Variants in BAHD1 observed in about 807,000 individuals in gnomAD.
BAHD1 encodes the protein bromo adjacent homology domain-containing 1 protein.
Under a neutral mutation model 63.1 loss-of-function variants are expected in BAHD1, and 20 were observed. The ratio of observed to expected loss-of-function variants is 0.32; its 90% CI spans 0.22 to 0.46. The LOEUF (loss-of-function observed/expected upper bound fraction) is 0.46, where lower values mean the gene tolerates loss of function less well. BAHD1 is among the 20% of genes least tolerant of loss of function. The pLI is 1.00. For synonymous variants in BAHD1, 408 were observed against 426.8 expected (o/e 0.96, Z 0.54); for missense variants, 939 against 1,071.8 (o/e 0.88, Z 1.73).
chr15:40,452,211 T>C (rs1041334715), intron 1 of BAHD1, among the ~76,000 whole-genome samples: 5 of 152,254 alleles, frequency 3.3e-5, no homozygotes, highest in African/African-American at 9.6e-5. Context: ...CAGAATGAAT[T>C]GAGTGCCCGC....
At chr15:40,457,511 T>A (rs1311436416) in intron 1 of BAHD1, among the ~76,000 whole-genome samples, 1 of 152,188 alleles carries the variant, frequency 6.6e-6, no homozygotes, top group African/African-American at 2.4e-5. Context: ...ATAGAGCTTT[T>A]CCAGCTAGAC....
Position 40,458,634 on chromosome 15 carries a change from T to G in BAHD1, c.170T>G (p.Leu57Arg). The change falls in exon 2 of 7, where the codon CTT (leucine) becomes CGT (arginine). Residue 57 changes from leucine (L) to arginine (R), a missense_variant. Coordinates refer to ENST00000416165, the MANE Select transcript of BAHD1 (RefSeq NM_014952.5). This position sits in a 1 kb window ranked among gnomAD's most constrained non-coding sequence, Gnocchi z 4.7. ...ACAGGGCGCCGCAAGAATTACCCAC[T>G]TCGTAAGCGCCCATTGGTTCCTGAG... is the stretch of plus-strand genomic sequence containing the variant. Reference protein sequence around the residue: ...HLTGRRKNYPLRKRPLVPEKP... With the variant: ...HLTGRRKNYPRRKRPLVPEKP... 3 of 1,613,888 alleles carry G rather than the reference T, an allele frequency of 1.9e-6. No individual in the cohort carries two copies. Among genetic ancestry groups the G allele is most frequent in the Non-Finnish European group, 2.5e-6 (3 of 1,179,944 alleles).
intron 1 of BAHD1, among the ~76,000 whole-genome samples, chr15:40,442,369 C>T (rs1566957360): frequency 1.3e-5 from 2 of 151,688 alleles, no homozygotes; most frequent in South Asian, 2.1e-4. Flanking sequence ...CGCTGTTGGC[C>T]TCGAGGCTCT....
intron 2 of BAHD1, 150 bp from the exon 3 acceptor site, chr15:40,461,762 C>G: frequency 2.3e-6 from 2 of 883,370 alleles, no homozygotes; most frequent in Non-Finnish European, 3.3e-6. Flanking sequence ...GTCACTCTGA[C>G]AGTCCACCAT....
rs146658560 is a variant in BAHD1 at position 40,446,831 on chromosome 15, C to T, written c.-15+5563C>T. On this transcript the variant is annotated intron_variant, in intron 1 of 6. Transcript: ENST00000416165. ...ACCTGTCTTTCTGCCGTTCTCTTGA[C>T]CCCAGGGATCTCACCTGGAGTGCTG... 7.3e-3 allele frequency among the ~76,000 whole-genome samples: 1,114 copies of T among 152,288 alleles called. 6 individuals are homozygous for T. Among genetic ancestry groups the T allele is most frequent in the Admixed American group, 0.021 (329 of 15,310 alleles).
chr15:40,462,490 C>T (rs1039142441), intron 3 of BAHD1, among the ~76,000 whole-genome samples, 196 bp downstream of exon 3: 6 of 152,038 alleles, frequency 3.9e-5, no homozygotes, highest in Non-Finnish European at 8.8e-5. Flanking sequence ...TGATCCTGTA[C>T]CAGACACCCC....
rs2141539637 is a variant in BAHD1, at chr15:40,461,915, G to T, written c.1436G>T (p.Gly479Val). The T allele has an allele frequency of 1.9e-6, 3 of 1,591,256 alleles. No individual in the cohort carries two copies. Among genetic ancestry groups the T allele is most frequent in the East Asian group, 4.5e-5 (2 of 44,414 alleles). Residue 479 changes from glycine to valine, a missense_variant, in exon 3 of 7, where the codon GGC becomes GTC. Physicochemically the swap from Gly to Val is moderately radical, Grantham distance 109. Coordinates refer to ENST00000416165, the MANE Select transcript of BAHD1 (RefSeq NM_014952.5). ...GACCACTCTCTCCCTTTCCTAGAAG[G>T]CTGCAGATCCCTGGGCCAGTTGGAA... Reference protein sequence around the residue: ...CPYKMPFAAEGCRSLGQLEFP... With the variant: ...CPYKMPFAAEVCRSLGQLEFP...
Position 40,462,151 on chromosome 15 carries a change from A to G in BAHD1, c.1672A>G (p.Thr558Ala), listed in dbSNP as rs748209295. The G allele has an allele frequency of 8.1e-6, 13 of 1,612,086 alleles. No homozygotes were observed. In the South Asian group the frequency reaches 8.8e-5, roughly 11 times the overall value. ...GCGCACAGGCTCCAGCTGCAGGCAC[A>G]CTGCAAGGAGCAAGGCTGCCCGCAG... ...GLRTGSSCRH[T>A]ARSKAARRPS... Residue 558 changes from threonine (T) to alanine (A), a missense_variant, in exon 3 of 7, where the codon ACT (threonine) becomes GCT (alanine). Thr to Ala is a moderately conservative substitution (Grantham distance 58, BLOSUM62 0). Transcript: ENST00000416165.
upstream of BAHD1, among the ~76,000 whole-genome samples, chr15:40,439,331 C>T (rs1893340882): frequency 3.3e-5 from 5 of 152,242 alleles, no homozygotes; most frequent in South Asian, 1.0e-3. Flanking sequence ...CCCTGGACAG[C>T]TCTGGAGGCA....
chr15:40,456,521 T>C (rs932107787), intron 1 of BAHD1, among the ~76,000 whole-genome samples: 14 of 152,212 alleles, frequency 9.2e-5, no homozygotes, highest in African/African-American at 3.1e-4. Context: ...CAGTTTTCCG[T>C]GTCCTTTCTC....
intron 1 of BAHD1, among the ~76,000 whole-genome samples, chr15:40,444,180 G>A (rs1893475515): frequency 6.6e-6 from 1 of 152,174 alleles, no homozygotes; most frequent in Non-Finnish European, 1.5e-5. Flanking sequence ...TTTTTGTTGA[G>A]TGAATAAATG....
chr15:40,449,323 C>T (rs934802355), intron 1 of BAHD1, among the ~76,000 whole-genome samples: 1 of 152,192 alleles, frequency 6.6e-6, no homozygotes, highest in Non-Finnish European at 1.5e-5. Context: ...ACCCTGCACA[C>T]TTAGGGTGTC....
At chr15:40,460,345 C>G (rs1288175641) in intron 2 of BAHD1, among the ~76,000 whole-genome samples, 2 of 152,134 alleles carry the variant, frequency 1.3e-5, no homozygotes, top group African/African-American at 4.8e-5. Context: ...GCATGCTGGC[C>G]AAGTTCAGCA....
At position 40,465,964 on chromosome 15, in the gene BAHD1, G is replaced by A. The variant is rs777051521; in HGVS notation, c.2177G>A (p.Arg726Gln). Reference sequence around the variant, plus strand: ...AGGTTCTGTGCCATGGCCAAGCGCCGAGGTGAAGGCCTCCCCAGCCGAAAG... The same window carrying A: ...AGGTTCTGTGCCATGGCCAAGCGCCAAGGTGAAGGCCTCCCCAGCCGAAAG... ...YCRFCAMAKR[R>Q]GEGLPSRKTA... Residue 726 changes from arginine (R) to glutamine (Q), a missense_variant, in exon 7 of 7, where the codon CGA becomes CAA. Arg to Gln is a conservative substitution (Grantham distance 43, BLOSUM62 1). Transcript: ENST00000416165. 5 of 1,602,140 alleles carry A rather than the reference G, an allele frequency of 3.1e-6. No individual in the cohort carries two copies. The highest frequency in any genetic ancestry group is 4.3e-6 in the Non-Finnish European group (5 of 1,174,672).
At chr15:40,452,154 C>T (rs779631715) in intron 1 of BAHD1, among the ~76,000 whole-genome samples, 5 of 152,274 alleles carry the variant, frequency 3.3e-5, no homozygotes, top group Non-Finnish European at 5.9e-5. Context: ...CTTTCAGCTG[C>T]ACTTCGTGCT....
At chr15:40,437,956 C>G (rs1893312104), upstream of BAHD1, among the ~76,000 whole-genome samples, 1 of 152,196 alleles carries the variant, frequency 6.6e-6, no homozygotes, top group African/African-American at 2.4e-5. Flanking sequence ...GGCAGTTAAC[C>G]CTTCCCGATG....
At chr15:40,464,281 T>C in intron 4 of BAHD1, 190 bp from the exon 5 acceptor site, 1 of 648,288 alleles carries the variant, frequency 1.5e-6, no homozygotes, top group Non-Finnish European at 2.7e-6. Context: ...CAGTGCCTTC[T>C]CCCCCTTCTC....
At chr15:40,457,954 A>C (rs1240838818) in intron 1 of BAHD1, among the ~76,000 whole-genome samples, 1 of 152,176 alleles carries the variant, frequency 6.6e-6, no homozygotes, top group Non-Finnish European at 1.5e-5. Context: ...CGGAGCTTGC[A>C]GTGAGCCAAG....
intron 5 of BAHD1, 192 bp from the exon 6 acceptor site, chr15:40,465,143 G>T (rs142772327): frequency 4.5e-5 from 27 of 595,724 alleles, no homozygotes; most frequent in Middle Eastern, 4.0e-4. Flanking sequence ...TCTGGAGAAG[G>T]GGGGGACCTA....
Sources: gnomAD v4.1 joint callset for allele counts (sites outside exome capture counted in the v4.1 genomes callset) on GRCh38, gnomAD v4.1.1 for gene constraint, Gnocchi (gnomAD v3.1) non-coding constraint, MANE v1.5 for transcripts, NCBI Gene and HGNC (gene_info 2026-07-23, HGNC 2026-07-21) for gene names.